RANBP9: variants seen among roughly 807,000 people sequenced by gnomAD.
RANBP9 encodes RAN binding protein 9.
In RANBP9, 15 loss-of-function variants were observed where a neutral mutation model predicts 84.3. The observed-to-expected ratio is 0.18, with a 90% confidence interval of 0.12 to 0.27. RANBP9 has a LOEUF of 0.27. Among genes scored for constraint, RANBP9 ranks in the 10% least tolerant of loss-of-function variants. RANBP9 has a pLI of 1.00. For missense variants in RANBP9, 809 were observed against 912.8 expected (o/e 0.89, Z 1.46); for synonymous variants, 392 against 349.6 (o/e 1.12, Z -1.35).
intron 5 of RANBP9, among the ~76,000 whole-genome samples, chr6:13,649,733 C>T (rs1765252876): frequency 6.6e-6 from 1 of 152,100 alleles, no homozygotes. Flanking sequence ...CCACTTCCAC[C>T]ACTGGCTACT....
chr6:13,693,518 G>A (rs564343550), intron 2 of RANBP9, among the ~76,000 whole-genome samples: 8 of 152,064 alleles, frequency 5.3e-5, no homozygotes, highest in Admixed American at 3.9e-4. Context: ...AGGCCGAGGC[G>A]GACAGATCAC....
chr6:13,633,931 T>A (rs2127762415), intron 11 of RANBP9, among the ~76,000 whole-genome samples: 1 of 88,970 alleles, frequency 1.1e-5, no homozygotes, highest in African/African-American at 4.6e-5. Context: ...CCACATAATT[T>A]TTTTGTTGGT....
At chr6:13,706,575 C>G (rs1193770121) in intron 1 of RANBP9, among the ~76,000 whole-genome samples, 1 of 151,462 alleles carries the variant, frequency 6.6e-6, no homozygotes, top group Non-Finnish European at 1.5e-5. Flanking sequence ...TGCCTGTATT[C>G]TCAGCTATTC....
rs183867651 is a variant in RANBP9, at chr6:13,625,867, T to G, written c.1948-103A>C. The G allele has an allele frequency of 4.3e-4, 330 of 775,280 alleles. 3 individuals carry two copies. Among genetic ancestry groups the G allele is most frequent in the Non-Finnish European group, 1.6e-4 (70 of 451,090 alleles). 48.0% of individuals were successfully genotyped at this position (775,280 alleles called of 1,614,324 possible). On this transcript the variant is annotated intron_variant, in intron 12 of 13. Coordinates refer to ENST00000011619, the MANE Select transcript of RANBP9 (RefSeq NM_005493.3). ...TAAAATATGGCTTCCAGGCACAGAC[T>G]AATAATGTAAACTTTAAACCCATTT... is the stretch of plus-strand genomic sequence containing the variant.
At chr6:13,701,666 A>T (rs1178091535) in intron 1 of RANBP9, among the ~76,000 whole-genome samples, 60 of 151,800 alleles carry the variant, frequency 4.0e-4, no homozygotes, top group Admixed American at 3.9e-3. Flanking sequence ...GCTACTTGGG[A>T]GGCTGAGGCG....
chr6:13,710,981 G>A lies in RANBP9; in HGVS notation c.525C>T (p.Phe175=), dbSNP rs369623638. Residue 175 remains phenylalanine (F), a synonymous_variant, in exon 1 of 14, where the codon TTC becomes TTT. Coordinates refer to ENST00000011619, the MANE Select transcript of RANBP9 (RefSeq NM_005493.3). The part of the protein sequence containing the change: ...LPRSWSPKDK[F]SYIGLSQNNL... ...TGTTCTGAGAGAGGCCGATGTAGCTGAACTTGTCCTTCGGGCTCCAGGACC... is the reference window on the plus strand; with the variant it reads ...TGTTCTGAGAGAGGCCGATGTAGCTAAACTTGTCCTTCGGGCTCCAGGACC... The A allele has an allele frequency of 6.9e-5, 111 of 1,610,338 alleles. No homozygotes were observed. The highest frequency in any genetic ancestry group is 8.1e-5 in the Non-Finnish European group (95 of 1,178,520).
intron 2 of RANBP9, among the ~76,000 whole-genome samples, chr6:13,695,116 A>C (rs1013467567): frequency 6.6e-6 from 1 of 152,204 alleles, no homozygotes; most frequent in African/African-American, 2.4e-5. Flanking sequence ...GTCAGATCTG[A>C]GGGGTCCTGT....
chr6:13,648,479 T>C (rs1400380687), intron 5 of RANBP9, among the ~76,000 whole-genome samples: 2 of 152,154 alleles, frequency 1.3e-5, no homozygotes, highest in African/African-American at 2.4e-5. Flanking sequence ...GGTTCATCCA[T>C]GCAGCAGGTG....
At chr6:13,627,234 T>C (rs1764633591) in intron 12 of RANBP9, among the ~76,000 whole-genome samples, 1 of 152,188 alleles carries the variant, frequency 6.6e-6, no homozygotes, top group Non-Finnish European at 1.5e-5. Context: ...CCCACAAAGC[T>C]ACTTGGTTCT....
chr6:13,641,686 A>G (rs1336619857), intron 7 of RANBP9, among the ~76,000 whole-genome samples: 5 of 152,194 alleles, frequency 3.3e-5, no homozygotes, highest in African/African-American at 1.2e-4. Flanking sequence ...TTTGACTAAG[A>G]TTCCAATTTA....
At chr6:13,709,511 G>A (rs892474322) in intron 1 of RANBP9, among the ~76,000 whole-genome samples, 1 of 152,132 alleles carries the variant, frequency 6.6e-6, no homozygotes, top group Non-Finnish European at 1.5e-5. Flanking sequence ...ACATAGCACC[G>A]TTCACACAAA....
rs901792801 is a variant in RANBP9 at position 13,622,290 on chromosome 6, A to C, written c.*72T>G. The C allele has an allele frequency of 3.0e-6, 4 of 1,349,706 alleles. No individual in the cohort carries two copies. Among genetic ancestry groups the C allele is most frequent in the African/African-American group, 3.0e-5 (2 of 67,480 alleles). The allele number at this position is 1,349,706 out of a possible 1,614,324, so 83.6% of individuals were successfully genotyped here. A position where few individuals can be genotyped will look rare whatever the true frequency, so the allele number is the denominator to read the frequency against. ...CATAATTTAAAAAATCTAAATTTCAAATCAGCAGAGCTGGTCTACTTCCAT... is the reference window on the plus strand; with the variant it reads ...CATAATTTAAAAAATCTAAATTTCACATCAGCAGAGCTGGTCTACTTCCAT... On this transcript the variant is annotated 3_prime_UTR_variant, in exon 14 of 14. Transcript: ENST00000011619.
At chr6:13,642,674 T>G in intron 6 of RANBP9, 83 bp from the exon 7 acceptor site, 1 of 927,026 alleles carries the variant, frequency 1.1e-6, no homozygotes, top group Non-Finnish European at 1.6e-6. Context: ...CAAAATCTAT[T>G]CTGGTGTTAT....
chr6:13,650,167 T>C (rs1470567651), intron 5 of RANBP9, among the ~76,000 whole-genome samples: 1 of 137,974 alleles, frequency 7.2e-6, no homozygotes, highest in African/African-American at 2.7e-5. Context: ...TGTTTTTTTG[T>C]TTTTTTTTTT....
chr6:13,641,505 A>G (rs915823911), intron 7 of RANBP9, among the ~76,000 whole-genome samples, 198 bp from the exon 8 acceptor site: 1 of 147,458 alleles, frequency 6.8e-6, no homozygotes, highest in Non-Finnish European at 1.5e-5. Context: ...AAAAACAAGT[A>G]CGGTCACAAA....
chr6:13,654,112 TC>T lies in RANBP9; in HGVS notation c.905-1432del, dbSNP rs879714927. 9.9e-4 allele frequency among the ~76,000 whole-genome samples: 151 copies of T among 152,260 alleles called. 1 individual carries two copies. The highest frequency in any genetic ancestry group is 1.4e-3 in the Non-Finnish European group (95 of 67,984). On this transcript the variant is annotated intron_variant, in intron 4 of 13. Transcript: ENST00000011619. ...CCTTTGTCTGTAATTACTGAAATCT[TC>T]ACTTTACCAAAAACTCTAACGAAAA...
At chr6:13,696,497 G>GTT (rs762971630) in intron 2 of RANBP9, among the ~76,000 whole-genome samples, 1 of 152,196 alleles carries the variant, frequency 6.6e-6, no homozygotes, top group Non-Finnish European at 1.5e-5. Flanking sequence ...AAAAAGCAGT[G>GTT]TAAGAAAAGT....
rs1289489627 is a variant in RANBP9, at chr6:13,637,865, A to G, written c.1616T>C (p.Val539Ala). The change falls in exon 10 of 14, where the codon GTA becomes GCA. Residue 539 changes from valine to alanine, a missense_variant. This residue lies in a region of RANBP9 where 233 missense variants were observed against 234.4 expected (regional missense o/e 0.99). Coordinates refer to ENST00000011619, the MANE Select transcript of RANBP9 (RefSeq NM_005493.3). ...SNKHQSSNLN[V>A]PELNSINMSR... ...CATATTTATACTGTTTAGTTCTGGT[A>G]CATTCAAGTTGGATGACTGGTGTTT... 6 of 1,610,244 alleles carry G rather than the reference A, an allele frequency of 3.7e-6. No individual in the cohort carries two copies. Among genetic ancestry groups the G allele is most frequent in the Non-Finnish European group, 5.1e-6 (6 of 1,176,984 alleles).
In RANBP9 at chr6:13,697,292, A is replaced by C. The variant is rs530978272; in HGVS notation, c.572-396T>G. On this transcript the variant is annotated intron_variant, in intron 1 of 13. Coordinates refer to ENST00000011619, the MANE Select transcript of RANBP9 (RefSeq NM_005493.3). The stretch of plus-strand genomic sequence containing the variant: ...CATATAACTTATATAATTTCTGTAC[A>C]CTCTTGCCAAAGTCCTGGCTCTTTA... Among the ~76,000 whole-genome samples, 6 of 152,266 alleles carry C rather than the reference A, an allele frequency of 3.9e-5. 1 individual carries two copies. The East Asian group carries it at 1.2e-3, about 29-fold the overall frequency.
Sources: allele counts gnomAD v4.1 joint callset (sites outside exome capture counted in the v4.1 genomes callset), GRCh38; gene constraint gnomAD v4.1.1; regional missense constraint gnomAD v4.1.1; transcripts MANE v1.5; gene names NCBI Gene and HGNC (gene_info 2026-07-23, HGNC 2026-07-21).